The following VPS13C variants were observed in gnomAD, a reference collection of about 807,000 sequenced individuals.
VPS13C encodes the protein intermembrane lipid transfer protein VPS13C.
Under a neutral mutation model 456.8 loss-of-function variants are expected in VPS13C, and 358 were observed. The observed-to-expected ratio is 0.78, with a 90% CI of 0.72 to 0.86. The LOEUF is 0.86. VPS13C is among the 40% of genes least tolerant of loss of function. The probability of loss-of-function intolerance (pLI) is 0.00; values close to 1 mark genes in which losing one functional copy is unlikely to be tolerated. For missense variants in VPS13C, 4,818 were observed against 4,385.4 expected (o/e 1.10, Z -2.79); for synonymous variants, 1,578 against 1,486.7 (o/e 1.06, Z -1.41).
chr15:61,877,447 C>CTTTTTTTTTTTTTTTTTTTTTTTTTT (rs1895528884), intron 74 of VPS13C, among the ~76,000 whole-genome samples: 1 of 151,562 alleles, frequency 6.6e-6, no homozygotes, highest in Non-Finnish European at 1.5e-5. Flanking sequence ...TTGACATAAC[C>CTTTTTTTTTTTTTTTTTTTTTTTTTT]ATTTTTAACG....
At chr15:61,985,114 C>A in intron 18 of VPS13C, 115 bp from the exon 19 acceptor site, 2 of 784,178 alleles carry the variant, frequency 2.6e-6, no homozygotes, top group Non-Finnish European at 1.8e-6. Flanking sequence ...TACAGCATGG[C>A]AGGTTCTGGC....
In VPS13C at chr15:62,033,497, A is replaced by T. The variant is rs911493647; in HGVS notation, c.329T>A (p.Val110Asp). Residue 110 changes from valine to aspartate, a missense_variant, in exon 5 of 85, where the codon GTT becomes GAT. Val to Asp is a radical substitution (Grantham distance 152, BLOSUM62 -3). Coordinates refer to ENST00000644861, the MANE Select transcript of VPS13C (RefSeq NM_020821.3). ...AATTCGGGATAGCTCTTTCTGTTTA[A>T]CATCCTGCAAGGATTTTTCTTCTTT... is the stretch of plus-strand genomic sequence containing the variant. ...AVKEEKSLQDVKQKELSRIEE... is the reference protein window; with the variant it reads ...AVKEEKSLQDDKQKELSRIEE... 6.2e-7 allele frequency: 1 copy of T among 1,608,052 alleles called. No individual in the cohort carries two copies. Among genetic ancestry groups the T allele is most frequent in the Non-Finnish European group, 8.5e-7 (1 of 1,176,808 alleles).
Position 61,915,762 on chromosome 15 carries a change from A to G in VPS13C, c.8316T>C (p.Tyr2772=), listed in dbSNP as rs773194703. 9.3e-6 allele frequency: 15 copies of G among 1,614,054 alleles called. No homozygotes were observed. The Admixed American group carries it at 1.8e-4, about 20-fold the overall frequency. ...CCCGGGTAGTCTTGTTGATTAACCA[A>G]TAGGGACTAAAGACAGACAGCACCA... The part of the protein sequence containing the change: ...SRMVLSVFSP[Y]WLINKTTRVL... The change falls in exon 61 of 85, where the codon TAT becomes TAC. Residue 2772 remains tyrosine (Y), a synonymous_variant. Coordinates refer to ENST00000644861, the MANE Select transcript of VPS13C (RefSeq NM_020821.3).
chr15:61,961,972 A>G (rs1269189854), intron 34 of VPS13C, 79 bp from the exon 35 acceptor site: 3 of 1,448,874 alleles, frequency 2.1e-6, no homozygotes, highest in Non-Finnish European at 2.8e-6. Context: ...CTTTTCATAC[A>G]TGTGGTAACT....
At chr15:61,994,674 C>T (rs1359530592) in intron 16 of VPS13C, among the ~76,000 whole-genome samples, 1 of 151,840 alleles carries the variant, frequency 6.6e-6, no homozygotes, top group East Asian at 1.9e-4. Flanking sequence ...ACTGCAACCT[C>T]CACCTCCCGG....
chr15:61,941,927 T>G lies in VPS13C; in HGVS notation c.5289A>C (p.Pro1763=). Residue 1763 remains proline (P), a synonymous_variant, in exon 46 of 85, where the codon CCA becomes CCC. Transcript: ENST00000644861. The part of the protein sequence containing the change: ...RLLMDINLKA[P]VIIIPQSSVS... ...CTGAAGACTGAGGAATAATAATAAC[T>G]GGTGCTTTCAAATTAATATCCATCA... 1 of 1,613,970 alleles carries G rather than the reference T, an allele frequency of 6.2e-7. No homozygotes were observed. Among genetic ancestry groups the G allele is most frequent in the Non-Finnish European group, 8.5e-7 (1 of 1,179,922 alleles).
chr15:61,905,007 T>A (rs903563877), intron 66 of VPS13C, among the ~76,000 whole-genome samples: 1 of 151,936 alleles, frequency 6.6e-6, no homozygotes, highest in Non-Finnish European at 1.5e-5. Context: ...ACAAGAGAAG[T>A]TGGTTAATGG....
At chr15:62,020,610 A>G in intron 8 of VPS13C, 72 bp from the exon 9 acceptor site, 1 of 1,468,990 alleles carries the variant, frequency 6.8e-7, no homozygotes, top group Non-Finnish European at 9.4e-7. Flanking sequence ...TACAATAGGC[A>G]GCAGAGGGAA....
chr15:61,947,362 C>T, intron 42 of VPS13C, 53 bp from the exon 43 acceptor site: 1 of 1,309,222 alleles, frequency 7.6e-7, no homozygotes, highest in Non-Finnish European at 1.1e-6. Flanking sequence ...TAATACAACA[C>T]ATACAATAAC....
rs1596441526 is a variant in VPS13C, at chr15:61,991,658, T to G, written c.1483+15A>C. On this transcript the variant is annotated intron_variant, in intron 17 of 84. Transcript: ENST00000644861. ...ACTTAACACTGTACAATAAGTTATTTGACTTGGAACTTACTTTCAGGAATC... is the reference window on the plus strand; with the variant it reads ...ACTTAACACTGTACAATAAGTTATTGGACTTGGAACTTACTTTCAGGAATC... The G allele has an allele frequency of 6.2e-7, 1 of 1,609,856 alleles. No homozygotes were observed. The highest frequency in any genetic ancestry group is 8.5e-7 in the Non-Finnish European group (1 of 1,178,370).
Position 61,919,423 on chromosome 15 carries a change from T to G in VPS13C, c.7504A>C (p.Asn2502His). The change falls in exon 58 of 85, where the codon AAT (asparagine) becomes CAT (histidine). Residue 2502 changes from asparagine (N) to histidine (H), a missense_variant. Asn to His is a moderately conservative substitution (Grantham distance 68, BLOSUM62 1). Coordinates refer to ENST00000644861, the MANE Select transcript of VPS13C (RefSeq NM_020821.3). ...CGTCCAGGTCTGGCCACAGGGATAT[T>G]TGCAACTTCTGTATATCCATGAGGT... ...IVPHGYTEVA[N>H]IPVARPGRRL... 1.9e-6 allele frequency: 3 copies of G among 1,589,276 alleles called. No homozygotes were observed. Among genetic ancestry groups the G allele is most frequent in the Non-Finnish European group, 2.6e-6 (3 of 1,170,754 alleles).
chr15:61,865,529 A>AT (rs1239573394), intron 81 of VPS13C: 48 of 877,018 alleles, frequency 5.5e-5, no homozygotes, highest in Middle Eastern at 6.0e-4. Flanking sequence ...ACATACATAT[A>AT]ATGTATGTAT....
chr15:61,961,526 T>G, intron 35 of VPS13C, 63 bp downstream of exon 35: 1 of 1,448,600 alleles, frequency 6.9e-7, no homozygotes, highest in Non-Finnish European at 9.2e-7. Context: ...GAATTTCAAG[T>G]CATAAAATTT....
rs1750671189 is a variant in VPS13C, at chr15:61,920,249, A to T, written c.7295T>A (p.Val2432Asp). 1 of 1,613,490 alleles carries T rather than the reference A, an allele frequency of 6.2e-7. No homozygotes were observed. The highest frequency in any genetic ancestry group is 1.7e-5 in the Admixed American group (1 of 59,978). The change falls in exon 57 of 85, where the codon GTT becomes GAT. Residue 2432 changes from valine to aspartate, a missense_variant. Coordinates refer to ENST00000644861, the MANE Select transcript of VPS13C (RefSeq NM_020821.3). ...ACAATTGGGCTTCACCTTAATGGGA[A>T]CACCTACAGCATTTTTTACCGTAAA... ...APFTVKNAVG[V>D]PIKVKPNCNL...
At chr15:61,942,876 T>A (rs1028910474) in intron 45 of VPS13C, among the ~76,000 whole-genome samples, 1 of 152,020 alleles carries the variant, frequency 6.6e-6, no homozygotes, top group Admixed American at 6.6e-5. Context: ...CCCTAAGGAC[T>A]CCACCAAAAG....
rs745796562 is a variant in VPS13C, at chr15:61,984,952, C to T, written c.1626G>A (p.Thr542=). 1.7e-5 allele frequency: 27 copies of T among 1,609,852 alleles called. No homozygotes were observed. The highest frequency in any genetic ancestry group is 1.1e-4 in the East Asian group (5 of 44,788). The change falls in exon 19 of 85, where the codon ACG becomes ACA. Residue 542 remains threonine, a synonymous_variant. Coordinates refer to ENST00000644861, the MANE Select transcript of VPS13C (RefSeq NM_020821.3). Reference sequence around the variant, plus strand: ...CTGGAATATTCTTGTTTTCTCTTATCGTAACAGAGGTGCTTACTAACTTCA... The same window carrying T: ...CTGGAATATTCTTGTTTTCTCTTATTGTAACAGAGGTGCTTACTAACTTCA... ...MTLKLVSTSV[T]IRENKNIPEI... is the part of the protein sequence containing the mutation.
chr15:61,941,039 A>G (rs2044403669), intron 46 of VPS13C, among the ~76,000 whole-genome samples: 1 of 152,220 alleles, frequency 6.6e-6, no homozygotes, highest in African/African-American at 2.4e-5. Context: ...ATTTTCATAC[A>G]CTATGACAAC....
chr15:62,018,871 C>T (rs980066334), intron 9 of VPS13C, among the ~76,000 whole-genome samples: 139 of 152,236 alleles, frequency 9.1e-4, no homozygotes, highest in Admixed American at 3.1e-3. Context: ...GGTACCAGCT[C>T]CTCCTTGTAC....
At chr15:62,010,159 C>T (rs912928753) in intron 13 of VPS13C, among the ~76,000 whole-genome samples, 2 of 151,606 alleles carry the variant, frequency 1.3e-5, no homozygotes, top group African/African-American at 4.8e-5. Context: ...CACTGCACTC[C>T]AGCCTGGGCA....
Sources: allele counts gnomAD v4.1 joint callset (sites outside exome capture counted in the v4.1 genomes callset), GRCh38; gene constraint gnomAD v4.1.1; transcripts MANE v1.5; gene names NCBI Gene and HGNC (gene_info 2026-07-23, HGNC 2026-07-21).